Variants in RANBP2 observed in about 807,000 individuals in gnomAD.
RANBP2 encodes the protein RAN binding protein 2.
RANBP2 carries 57 observed loss-of-function variants against 303.6 expected under a neutral mutation model. The observed-to-expected ratio is 0.19, with a 90% CI of 0.15 to 0.23. The LOEUF is 0.23. Ranked by LOEUF, RANBP2 falls within the 10% of genes least tolerant of loss-of-function variation. The probability of loss-of-function intolerance (pLI) is 1.00; values close to 1 mark genes in which losing one functional copy is unlikely to be tolerated. For missense variants in RANBP2, 3,138 were observed against 3,780.8 expected (o/e 0.83, Z 4.46); for synonymous variants, 1,167 against 1,301.5 (o/e 0.90, Z 2.23).
chr2:108,806,588 A>C, the RANBP2 span, among the ~76,000 whole-genome samples: 1 of 152,156 alleles, frequency 6.6e-6, no homozygotes, highest in Non-Finnish European at 1.5e-5. Context: ...TCAGTGACCC[A>C]GCTCTGCCAT....
chr2:109,626,346 G>A, the RANBP2 span, among the ~76,000 whole-genome samples: 7 of 152,120 alleles, frequency 4.6e-5, no homozygotes, highest in African/African-American at 7.2e-5. Flanking sequence ...CCATGTGCCT[G>A]TAGTCCCAGC....
chr2:108,901,288 T>TA, the RANBP2 span, among the ~76,000 whole-genome samples: 3 of 151,962 alleles, frequency 2.0e-5, no homozygotes, highest in Admixed American at 2.0e-4. Flanking sequence ...TGAATGAAAA[T>TA]AAAAATACAA....
chr2:109,415,050 G>A, the RANBP2 span, among the ~76,000 whole-genome samples: 8 of 152,228 alleles, frequency 5.3e-5, no homozygotes. Flanking sequence ...ATGGCGTGGT[G>A]GAAGCAGAGG....
chr2:108,961,152 G>A, the RANBP2 span, among the ~76,000 whole-genome samples: 1 of 152,214 alleles, frequency 6.6e-6, no homozygotes, highest in Non-Finnish European at 1.5e-5. Context: ...CCGCTGCAGA[G>A]CCTCTGGGCC....
chr2:108,767,991 G>C lies in RANBP2; in HGVS notation c.7452G>C (p.Gln2484His), dbSNP rs769003937. ...ETTRERTDVI[Q>H]GDDVADATSE... ...CAAGAGAGAGGACAGATGTTATTCA[G>C]GGTGATGATGTAGCAGATGCAACTT... The change falls in exon 20 of 29, where the codon CAG becomes CAC. Residue 2484 changes from glutamine (Q) to histidine (H), a missense_variant. Coordinates refer to ENST00000283195, the MANE Select transcript of RANBP2 (RefSeq NM_006267.5). 1.2e-6 allele frequency: 2 copies of C among 1,611,988 alleles called. No homozygotes were observed. The highest frequency in any genetic ancestry group is 1.7e-6 in the Non-Finnish European group (2 of 1,179,860).
At chr2:108,938,913 G>A in the RANBP2 span, among the ~76,000 whole-genome samples, 1 of 150,142 alleles carries the variant, frequency 6.7e-6, no homozygotes, top group East Asian at 2.0e-4. Context: ...TCGAGTAGCT[G>A]CGACTACAGG....
the RANBP2 span, among the ~76,000 whole-genome samples, chr2:109,492,866 T>C: frequency 1.3e-5 from 2 of 152,086 alleles, no homozygotes; most frequent in Non-Finnish European, 2.9e-5. Flanking sequence ...TGCACCATTG[T>C]TGGGTCCTGC....
chr2:109,727,909 T>C, the RANBP2 span, among the ~76,000 whole-genome samples: 54 of 152,310 alleles, frequency 3.5e-4, no homozygotes, highest in Admixed American at 2.4e-3. Flanking sequence ...ACATGCTCCC[T>C]AGAACCTTGC....
At chr2:109,302,705 G>A in the RANBP2 span, among the ~76,000 whole-genome samples, 12 of 152,116 alleles carry the variant, frequency 7.9e-5, no homozygotes, top group African/African-American at 2.9e-4. Flanking sequence ...AAGTGATCCC[G>A]GGAGACAAGG....
At chr2:109,488,792 C>T in the RANBP2 span, among the ~76,000 whole-genome samples, 2 of 152,232 alleles carry the variant, frequency 1.3e-5, no homozygotes, top group Admixed American at 1.3e-4. Flanking sequence ...TAGGCTGTTT[C>T]CTATTGCTCA....
At chr2:108,971,134 G>A in the RANBP2 span, among the ~76,000 whole-genome samples, 2 of 152,136 alleles carry the variant, frequency 1.3e-5, no homozygotes, top group Non-Finnish European at 2.9e-5. Flanking sequence ...ACCACATCCT[G>A]GGCAGGCGGT....
chr2:109,515,009 A>T, the RANBP2 span, among the ~76,000 whole-genome samples: 1 of 151,774 alleles, frequency 6.6e-6, no homozygotes, highest in African/African-American at 2.4e-5. Flanking sequence ...GCCAACTCTC[A>T]TGCCCAGAGC....
At chr2:109,447,147 T>TAAAAAAAAAAAAAAAAAA in the RANBP2 span, among the ~76,000 whole-genome samples, 5 of 82,692 alleles carry the variant, frequency 6.0e-5, no homozygotes, top group Admixed American at 1.4e-4. Flanking sequence ...CCTGAATATT[T>TAAAAAAAAAAAAAAAAAA]AAAAAAAAAA....
chr2:109,378,069 C>T, the RANBP2 span, among the ~76,000 whole-genome samples: 10 of 152,196 alleles, frequency 6.6e-5, no homozygotes, highest in Admixed American at 5.2e-4. Context: ...CTGGGCCAGG[C>T]GGGATGTGTT....
the RANBP2 span, among the ~76,000 whole-genome samples, chr2:108,920,164 G>A: frequency 2.0e-5 from 3 of 152,352 alleles, no homozygotes; most frequent in Non-Finnish European, 2.9e-5. Context: ...GAGCCATGCC[G>A]CCTGCTGGGC....
At chr2:108,991,083 A>C in the RANBP2 span, among the ~76,000 whole-genome samples, 1 of 152,244 alleles carries the variant, frequency 6.6e-6, no homozygotes, top group East Asian at 1.9e-4. Flanking sequence ...AGACACAAGA[A>C]AAAATTAAAA....
chr2:109,546,007 A>G, the RANBP2 span: 1 of 1,524,772 alleles, frequency 6.6e-7, no homozygotes, highest in East Asian at 2.3e-5. Context: ...GCAATGTGAC[A>G]AGTGTGGGCA....
chr2:108,999,620 G>A, the RANBP2 span, among the ~76,000 whole-genome samples: 1 of 152,130 alleles, frequency 6.6e-6, no homozygotes, highest in African/African-American at 2.4e-5. Context: ...GGAGATTCCT[G>A]GTAGGCTGAG....
At chr2:108,768,754 T>C (rs990472359) in intron 20 of RANBP2, among the ~76,000 whole-genome samples, 21 of 152,144 alleles carry the variant, frequency 1.4e-4, no homozygotes, top group Admixed American at 1.0e-3. Flanking sequence ...ATATTGAGGC[T>C]GGGCACGGTG....
Sources: allele counts gnomAD v4.1 joint callset (sites outside exome capture counted in the v4.1 genomes callset), GRCh38; gene constraint gnomAD v4.1.1; transcripts MANE v1.5; gene names NCBI Gene and HGNC (gene_info 2026-07-23, HGNC 2026-07-21).